The following MROH2A variants were observed in gnomAD, a reference collection of about 807,000 sequenced individuals.
MROH2A encodes maestro heat like repeat family member 2A.
A neutral mutation model predicts 200.4 loss-of-function variants in MROH2A; 174 were observed. The observed-to-expected ratio is 0.87, with a 90% CI of 0.77 to 0.98. The LOEUF (loss-of-function observed/expected upper bound fraction) is 0.98, where lower values mean the gene tolerates loss of function less well. Ranked by LOEUF, MROH2A falls within the 50% of genes least tolerant of loss-of-function variation. MROH2A has a pLI of 0.00. For missense variants in MROH2A, 2,045 were observed against 2,139.6 expected, an observed-to-expected ratio of 0.96 and a Z score of 0.87; for synonymous variants, 829 against 840.4, an observed-to-expected ratio of 0.99 and a Z score of 0.23.
chr2:233,804,671 G>T, intron 18 of MROH2A, 124 bp downstream of exon 18: 3 of 855,202 alleles, frequency 3.5e-6, no homozygotes, highest in Non-Finnish European at 5.6e-6. Flanking sequence ...TTCTCCTTCT[G>T]TCAGAGAAGA....
chr2:233,800,625 GTGTGTA>G (rs1559455562), intron 14 of MROH2A, among the ~76,000 whole-genome samples: 1 of 60,810 alleles, frequency 1.6e-5, no homozygotes, highest in Non-Finnish European at 3.2e-5. Flanking sequence ...GCCCGTGTGT[GTGTGTA>G]TGTGTGTGTG....
rs767168064 is a variant in MROH2A, at chr2:233,806,281, G to A, written c.2053-1142G>A. On this transcript the variant is annotated intron_variant, in intron 19 of 41. Coordinates refer to ENST00000389758, the MANE Select transcript of MROH2A (RefSeq NM_001394639.1). Reference sequence around the variant, plus strand: ...TGCTTGCAAAGAAACCAAGAAAGACGAGGGAAAAGAGGTAAATTTTATAGA... The same window carrying A: ...TGCTTGCAAAGAAACCAAGAAAGACAAGGGAAAAGAGGTAAATTTTATAGA... 1.6e-4 allele frequency among the ~76,000 whole-genome samples: 25 copies of A among 152,058 alleles called. 1 individual carries two copies. Among genetic ancestry groups the A allele is most frequent in the South Asian group, 4.1e-4 (2 of 4,822 alleles).
In MROH2A at chr2:233,793,770, G is replaced by A; in HGVS notation, c.768G>A (p.Val256=). Reference sequence around the variant, plus strand: ...CTGAGGAGGAGTTTGCCCTGAAGGTGTTCCCCATGTATCGCTACTTCGTGA... The same window carrying A: ...CTGAGGAGGAGTTTGCCCTGAAGGTATTCCCCATGTATCGCTACTTCGTGA... ...VMTEEEFALK[V]FPMYRYFVTV... Residue 256 remains valine, a synonymous_variant, in exon 7 of 42, where the codon GTG becomes GTA. Transcript: ENST00000389758. 6.7e-7 allele frequency: 1 copy of A among 1,493,478 alleles called. No individual in the cohort carries two copies. The highest frequency in any genetic ancestry group is 2.7e-5 in the East Asian group (1 of 36,518). The allele number at this position is 1,493,478 out of a possible 1,614,324, so 92.5% of individuals were successfully genotyped here. A position where few individuals can be genotyped will look rare whatever the true frequency, so the allele number is the denominator to read the frequency against.
At chr2:233,803,343 T>C in intron 15 of MROH2A, 105 bp from the exon 16 acceptor site, 1 of 1,213,624 alleles carries the variant, frequency 8.2e-7, no homozygotes, top group Non-Finnish European at 1.2e-6. Flanking sequence ...AACAAGATCA[T>C]GTTGGGGAGG....
intron 3 of MROH2A, among the ~76,000 whole-genome samples, chr2:233,785,389 G>A (rs1274408311): frequency 1.3e-5 from 2 of 148,732 alleles, no homozygotes; most frequent in Non-Finnish European, 3.0e-5. Flanking sequence ...TTTGAGCCCA[G>A]CATTTTTGAG....
intron 14 of MROH2A, among the ~76,000 whole-genome samples, chr2:233,801,450 C>T (rs1222221620): frequency 1.3e-5 from 2 of 152,152 alleles, no homozygotes; most frequent in East Asian, 3.9e-4. Context: ...TCCAGAGAAA[C>T]AGAACCAGTA....
Position 233,813,762 on chromosome 2 carries a change from A to G in MROH2A, c.2744A>G (p.Asp915Gly). ...ATTTCTCTCCAACTCCCAGGAGAGG[A>G]CAATGAGTCCATTAAGGTAGGTCCC... ...SVISLQLPGE[D>G]NESIKTLYAN... The change falls in exon 25 of 42, where the codon GAC becomes GGC. Residue 915 changes from aspartate (D) to glycine (G), a missense_variant. By Grantham distance (94) the Asp-to-Gly change is moderately conservative. Transcript: ENST00000389758. 1 of 1,545,726 alleles carries G rather than the reference A, an allele frequency of 6.5e-7. No individual in the cohort carries two copies. Among genetic ancestry groups the G allele is most frequent in the Non-Finnish European group, 8.8e-7 (1 of 1,142,680 alleles).
At chr2:233,797,231 G>C (rs1003972289) in intron 11 of MROH2A, among the ~76,000 whole-genome samples, 1 of 152,232 alleles carries the variant, frequency 6.6e-6, no homozygotes, top group Non-Finnish European at 1.5e-5. Context: ...CAGTGACAGA[G>C]ATGTAAATCA....
intron 27 of MROH2A, 90 bp from the exon 28 acceptor site, chr2:233,817,912 C>G (rs747048850): frequency 1.4e-6 from 2 of 1,477,506 alleles, no homozygotes; most frequent in East Asian, 2.5e-5. Flanking sequence ...AGGGTTTGCC[C>G]TATCAAGTTG....
In MROH2A at chr2:233,807,661, A is replaced by G. The variant is rs1470824224; in HGVS notation, c.2173-72A>G. On this transcript the variant is annotated intron_variant, in intron 20 of 41. Transcript: ENST00000389758. The surrounding 1 kb of genome is among the most constrained non-coding windows in gnomAD (Gnocchi z 4.3). ...GTGTGTACATGTGTGTGTGCCTTGC[A>G]CGTGTGTGTGTGGGATCCTCCTCTG... is the stretch of plus-strand genomic sequence containing the variant. 6 of 1,547,856 alleles carry G rather than the reference A, an allele frequency of 3.9e-6. No individual in the cohort carries two copies. In the Admixed American group the frequency reaches 7.9e-5, roughly 20 times the overall value.
intron 7 of MROH2A, 36 bp downstream of exon 7, chr2:233,793,860 C>T (rs1170462503): frequency 7.3e-7 from 1 of 1,362,386 alleles, no homozygotes; most frequent in Non-Finnish European, 9.5e-7. Flanking sequence ...CCTGGTGGTC[C>T]CCAGGCCACA....
In MROH2A at chr2:233,793,682, C is replaced by A. The variant is rs770925502; in HGVS notation, c.680C>A (p.Thr227Asn). 2.1e-6 allele frequency: 3 copies of A among 1,415,434 alleles called. No homozygotes were observed. Among genetic ancestry groups the A allele is most frequent in the South Asian group, 1.6e-5 (1 of 60,686 alleles). The allele number at this position is 1,415,434 out of a possible 1,614,324, so 87.7% of individuals were successfully genotyped here. A position where few individuals can be genotyped will look rare whatever the true frequency, so the allele number is the denominator to read the frequency against. The change falls in exon 7 of 42, where the codon ACC (threonine) becomes AAC (asparagine). Residue 227 changes from threonine to asparagine, a missense_variant. Around this residue, in one of 3 missense-constraint regions of MROH2A, gnomAD observed 831 missense variants for 800.0 expected, o/e 1.04. Transcript: ENST00000389758. The stretch of plus-strand genomic sequence containing the variant: ...CTGTTGCTGTTGGTAGCCATGGAGA[C>A]CTTCTGTGAGACGGTGCAGTTTTAT... Reference protein sequence around the residue: ...IRQAICSAMETFCETVQFYLK... With the variant: ...IRQAICSAMENFCETVQFYLK...
Position 233,831,479 on chromosome 2 carries a change from C to G in MROH2A, c.4673C>G (p.Pro1558Arg). Reference sequence around the variant, plus strand: ...AAGTCCCTGGAGCATCCCTCAGGGCCAAGTGATACCGCTACTGATGACAAG... The same window carrying G: ...AAGTCCCTGGAGCATCCCTCAGGGCGAAGTGATACCGCTACTGATGACAAG... ...GWKSLEHPSG[P>R]SDTATDDKMT... Residue 1558 changes from proline to arginine, a missense_variant, in exon 39 of 42, where the codon CCA becomes CGA. Pro to Arg is a moderately radical substitution (Grantham distance 103, BLOSUM62 -2). Coordinates refer to ENST00000389758, the MANE Select transcript of MROH2A (RefSeq NM_001394639.1). 1 of 1,550,552 alleles carries G rather than the reference C, an allele frequency of 6.4e-7. No homozygotes were observed. Among genetic ancestry groups the G allele is most frequent in the Non-Finnish European group, 8.7e-7 (1 of 1,146,980 alleles).
intron 16 of MROH2A, 99 bp from the exon 17 acceptor site, chr2:233,803,952 T>C: frequency 7.0e-7 from 1 of 1,438,618 alleles, no homozygotes; most frequent in Non-Finnish European, 9.3e-7. Context: ...AAACCACCGA[T>C]CTTGTCCAGC....
At position 233,800,257 on chromosome 2, in the gene MROH2A, A is replaced by T. The variant is rs140951259; in HGVS notation, c.1502A>T (p.His501Leu). 2.5e-3 allele frequency: 3,951 copies of T among 1,550,272 alleles called. 187 individuals carry two copies. The Admixed American group carries it at 0.067, about 26-fold the overall frequency. The stretch of plus-strand genomic sequence containing the variant: ...AGGGACTTGGAGGAGAGGATGGTCC[A>T]CAAAGTCACCATGGACACTGTGAAG... ...YQRDLEERMVHKVTMDTVKII... is the reference protein window; with the variant it reads ...YQRDLEERMVLKVTMDTVKII... The change falls in exon 14 of 42, where the codon CAC becomes CTC. Residue 501 changes from histidine (H) to leucine (L), a missense_variant. His to Leu is a moderately conservative substitution (Grantham distance 99). Coordinates refer to ENST00000389758, the MANE Select transcript of MROH2A (RefSeq NM_001394639.1).
In MROH2A at chr2:233,779,370, C is replaced by A; in HGVS notation, c.12C>A (p.Ala4=). Residue 4 remains alanine, a synonymous_variant, in exon 2 of 42, where the codon GCC becomes GCA. Transcript: ENST00000389758. MTE[A]ITEAAVASSE... ...AGCTTGAGGAAGAGATGACTGAAGC[C>A]ATTACAGAAGCAGCAGTAGCCTCAA... 1 of 1,549,062 alleles carries A rather than the reference C, an allele frequency of 6.5e-7. No homozygotes were observed. The highest frequency in any genetic ancestry group is 8.7e-7 in the Non-Finnish European group (1 of 1,145,602).
chr2:233,778,996 G>A (rs978361507), intron 1 of MROH2A, among the ~76,000 whole-genome samples: 2 of 152,150 alleles, frequency 1.3e-5, no homozygotes, highest in African/African-American at 4.8e-5. Context: ...ATGGTTGTAG[G>A]ACTGAGGCCC....
chr2:233,787,537 T>C (rs1471771170), intron 3 of MROH2A, among the ~76,000 whole-genome samples: 1 of 113,670 alleles, frequency 8.8e-6, no homozygotes, highest in Non-Finnish European at 1.7e-5. Flanking sequence ...ACATATATCA[T>C]ATATACATAT....
At chr2:233,801,015 A>G (rs1397257986) in intron 14 of MROH2A, among the ~76,000 whole-genome samples, 2 of 152,196 alleles carry the variant, frequency 1.3e-5, no homozygotes, top group Non-Finnish European at 2.9e-5. Flanking sequence ...TATAGCAGGT[A>G]TACTGTACTA....
Sources: gnomAD v4.1 joint callset for allele counts (sites outside exome capture counted in the v4.1 genomes callset) on GRCh38, gnomAD v4.1.1 for gene constraint, gnomAD v4.1.1 regional missense constraint, Gnocchi (gnomAD v3.1) non-coding constraint, MANE v1.5 for transcripts, NCBI Gene and HGNC (gene_info 2026-07-23, HGNC 2026-07-21) for gene names.